The following FAM98B variants were observed in gnomAD, a reference collection of about 807,000 sequenced individuals.
The protein encoded by FAM98B is tRNA-splicing ligase complex subunit FAM98B.
A neutral mutation model predicts 43.9 loss-of-function variants in FAM98B; 32 were observed. The ratio of observed to expected loss-of-function variants is 0.73; its 90% CI spans 0.55 to 0.98. FAM98B has a LOEUF of 0.98. Ranked by LOEUF, FAM98B falls within the 50% of genes least tolerant of loss-of-function variation. The pLI is 0.00. For synonymous variants in FAM98B, 190 were observed against 174.0 expected (o/e 1.09, Z -0.72); for missense variants, 514 against 522.9 (o/e 0.98, Z 0.17).
intron 3 of FAM98B, among the ~76,000 whole-genome samples, chr15:38,467,977 A>C (rs777522065): frequency 4.7e-4 from 71 of 152,200 alleles, no homozygotes; most frequent in Non-Finnish European, 8.7e-4. Context: ...ACATACACAC[A>C]CACATGCCTA....
At chr15:38,470,088 A>C in intron 3 of FAM98B, 139 bp from the exon 4 acceptor site, 1 of 718,636 alleles carries the variant, frequency 1.4e-6, no homozygotes. Context: ...ACAGTGTTCT[A>C]CAACTGTTGT....
At chr15:38,476,024 C>T (rs112034404) in intron 6 of FAM98B, among the ~76,000 whole-genome samples, 1 of 152,290 alleles carries the variant, frequency 6.6e-6, no homozygotes, top group African/African-American at 2.4e-5. Context: ...TCCCATGGCT[C>T]ACTCTTTATT....
intron 6 of FAM98B, among the ~76,000 whole-genome samples, chr15:38,480,095 T>G (rs937985028): frequency 3.9e-5 from 6 of 152,174 alleles, no homozygotes; most frequent in Non-Finnish European, 8.8e-5. Flanking sequence ...TTGAATTATT[T>G]GTTGAAAATA....
Position 38,486,200 on chromosome 15 carries a change from T to G in FAM98B, c.*1541T>G, listed in dbSNP as rs1410229129. ...GTTCAAGGTAGGAAAATATAAAATT[T>G]TTTGGTTATTTGTAAATTTATTTTT... On this transcript the variant is annotated 3_prime_UTR_variant, in exon 8 of 8. Coordinates refer to ENST00000397609, the MANE Select transcript of FAM98B (RefSeq NM_173611.4). The G allele has an allele frequency of 6.6e-6, 1 of 152,188 alleles. No homozygotes were observed. Among genetic ancestry groups the G allele is most frequent in the African/African-American group, 2.4e-5 (1 of 41,450 alleles). 9.4% of individuals were successfully genotyped at this position (152,188 alleles called of 1,614,324 possible). A position where few individuals can be genotyped will look rare whatever the true frequency, so the allele number is the denominator to read the frequency against.
chr15:38,476,710 T>C (rs918697464), intron 6 of FAM98B, among the ~76,000 whole-genome samples: 9 of 151,966 alleles, frequency 5.9e-5, no homozygotes, highest in Non-Finnish European at 8.8e-5. Flanking sequence ...TTGCTTTTTT[T>C]TTTTTTTGCT....
chr15:38,461,444 T>A (rs982937820), intron 1 of FAM98B, among the ~76,000 whole-genome samples: 1 of 152,142 alleles, frequency 6.6e-6, no homozygotes, highest in African/African-American at 2.4e-5. Context: ...GATGGAGCAT[T>A]TGGGTTAAAC....
chr15:38,457,120 A>G (rs1340917007), intron 1 of FAM98B, among the ~76,000 whole-genome samples: 3 of 152,242 alleles, frequency 2.0e-5, no homozygotes, highest in Non-Finnish European at 4.4e-5. Flanking sequence ...TGGATATGGG[A>G]AGAACTACAT....
At chr15:38,457,342 A>G (rs1889864518) in intron 1 of FAM98B, among the ~76,000 whole-genome samples, 1 of 152,180 alleles carries the variant, frequency 6.6e-6, no homozygotes, top group Non-Finnish European at 1.5e-5. Context: ...GTTGGTATTT[A>G]TTGAGCACCA....
At chr15:38,468,704 T>G (rs983231747) in intron 3 of FAM98B, among the ~76,000 whole-genome samples, 3 of 152,148 alleles carry the variant, frequency 2.0e-5, no homozygotes, top group Non-Finnish European at 4.4e-5. Flanking sequence ...ACCTTGGCAA[T>G]CATACTGGGT....
rs1462546193 is a variant in FAM98B at position 38,486,215 on chromosome 15, A to T, written c.*1556A>T. 1 of 152,086 alleles carries T rather than the reference A, an allele frequency of 6.6e-6. No homozygotes were observed. Among genetic ancestry groups the T allele is most frequent in the Admixed American group, 6.5e-5 (1 of 15,278 alleles). 9.4% of individuals were successfully genotyped at this position (152,086 alleles called of 1,614,324 possible). On this transcript the variant is annotated 3_prime_UTR_variant, in exon 8 of 8. Coordinates refer to ENST00000397609, the MANE Select transcript of FAM98B (RefSeq NM_173611.4). ...ATATAAAATTTTTTGGTTATTTGTA[A>T]ATTTATTTTTTGTGTGTTTATATTT...
chr15:38,486,904 G>A lies in FAM98B; in HGVS notation c.*2245G>A, dbSNP rs572284318. On this transcript the variant is annotated 3_prime_UTR_variant, in exon 8 of 8. Coordinates refer to ENST00000397609, the MANE Select transcript of FAM98B (RefSeq NM_173611.4). Reference sequence around the variant, plus strand: ...TAAATTGAGTGCAATACGACATGGAGTATGATGAATGGCACTCCACTGCTT... The same window carrying A: ...TAAATTGAGTGCAATACGACATGGAATATGATGAATGGCACTCCACTGCTT... 6.6e-6 allele frequency: 1 copy of A among 152,204 alleles called. No homozygotes were observed. The highest frequency in any genetic ancestry group is 2.4e-5 in the African/African-American group (1 of 41,536). 9.4% of individuals were successfully genotyped at this position (152,204 alleles called of 1,614,324 possible). A position where few individuals can be genotyped will look rare whatever the true frequency, so the allele number is the denominator to read the frequency against.
chr15:38,464,441 TTAGTA>T (rs1889997438), intron 2 of FAM98B, among the ~76,000 whole-genome samples: 1 of 152,174 alleles, frequency 6.6e-6, no homozygotes, highest in African/African-American at 2.4e-5. Context: ...TGTCTAAACC[TTAGTA>T]TTGTTTTTTA....
In FAM98B at chr15:38,487,631, G is replaced by A. The variant is rs1890399088; in HGVS notation, c.*2972G>A. Reference sequence around the variant, plus strand: ...TAAACAAAAATTAGCTGGGGATTAAGGGAAAATTGTGGCTATGTCTGATCA... The same window carrying A: ...TAAACAAAAATTAGCTGGGGATTAAAGGAAAATTGTGGCTATGTCTGATCA... On this transcript the variant is annotated 3_prime_UTR_variant, in exon 8 of 8. Coordinates refer to ENST00000397609, the MANE Select transcript of FAM98B (RefSeq NM_173611.4). 6.6e-6 allele frequency: 1 copy of A among 152,092 alleles called. No individual in the cohort carries two copies. The highest frequency in any genetic ancestry group is 1.5e-5 in the Non-Finnish European group (1 of 67,948). 9.4% of individuals were successfully genotyped at this position (152,092 alleles called of 1,614,324 possible).
rs752884539 is a variant in FAM98B at position 38,474,434 on chromosome 15, C to T, written c.729+136C>T. On this transcript the variant is annotated intron_variant, in intron 6 of 7. Transcript: ENST00000397609. Reference sequence around the variant, plus strand: ...CTACATGCCCAGGCCAACTACTGGTCTTACAAGATGATCCTGGTCTTGTAT... The same window carrying T: ...CTACATGCCCAGGCCAACTACTGGTTTTACAAGATGATCCTGGTCTTGTAT... 3 of 566,044 alleles carry T rather than the reference C, an allele frequency of 5.3e-6. No individual in the cohort carries two copies. The South Asian group carries it at 1.0e-4, about 20-fold the overall frequency. The allele number at this position is 566,044 out of a possible 1,614,324, so 35.1% of individuals were successfully genotyped here. A position where few individuals can be genotyped will look rare whatever the true frequency, so the allele number is the denominator to read the frequency against.
intron 6 of FAM98B, among the ~76,000 whole-genome samples, chr15:38,476,803 C>G (rs1226638080): frequency 1.3e-5 from 2 of 151,326 alleles, no homozygotes; most frequent in African/African-American, 4.9e-5. Flanking sequence ...TCCTCAGCTG[C>G]ATGGTAGTTT....
chr15:38,479,052 G>T (rs1890246732), intron 6 of FAM98B, among the ~76,000 whole-genome samples: 1 of 151,994 alleles, frequency 6.6e-6, no homozygotes. Context: ...TCACTGGAGG[G>T]TCAAGTGATC....
chr15:38,468,988 C>A (rs28661546), intron 3 of FAM98B, among the ~76,000 whole-genome samples: 7,561 of 152,248 alleles, frequency 0.05, 493 homozygotes, highest in African/African-American at 0.15. Context: ...TTCAGTGCAA[C>A]CTTCGCCTCT....
intron 3 of FAM98B, among the ~76,000 whole-genome samples, chr15:38,466,579 T>C (rs1890035844): frequency 1.3e-5 from 2 of 152,098 alleles, no homozygotes; most frequent in South Asian, 2.1e-4. Context: ...AACAGAAATA[T>C]ATAGTTTTTT....
At position 38,470,092 on chromosome 15, in the gene FAM98B, C is replaced by T. The variant is rs889753983; in HGVS notation, c.353-135C>T. 6 of 732,658 alleles carry T rather than the reference C, an allele frequency of 8.2e-6. No homozygotes were observed. In the African/African-American group the frequency reaches 1.1e-4, roughly 13 times the overall value. 45.4% of individuals were successfully genotyped at this position (732,658 alleles called of 1,614,324 possible). On this transcript the variant is annotated intron_variant, in intron 3 of 7. Coordinates refer to ENST00000397609, the MANE Select transcript of FAM98B (RefSeq NM_173611.4). ...TTTATAAGTGTACAGTGTTCTACAA[C>T]TGTTGTTCTTTGGGTCTTTGTAAGT...
Sources: allele counts gnomAD v4.1 joint callset (sites outside exome capture counted in the v4.1 genomes callset), GRCh38; gene constraint gnomAD v4.1.1; transcripts MANE v1.5; gene names NCBI Gene and HGNC (gene_info 2026-07-23, HGNC 2026-07-21).